NGB: variants seen among roughly 807,000 people sequenced by gnomAD.
NGB encodes the protein neuroglobin.
In NGB, 12 loss-of-function variants were observed where a neutral mutation model predicts 17.3. The observed-to-expected ratio is 0.69, with a 90% CI of 0.45 to 1.13. NGB has a LOEUF of 1.13. Among genes scored for constraint, NGB ranks in the 50% most tolerant of loss-of-function variants. NGB has a pLI of 0.00. For synonymous variants in NGB, 87 were observed against 81.0 expected, an observed-to-expected ratio of 1.07 and a Z score of -0.40; for missense variants, 195 against 191.7, an observed-to-expected ratio of 1.02 and a Z score of -0.10.
At position 77,271,199 on chromosome 14, in the gene NGB, G is replaced by GC; in HGVS notation, c.-263dup. 1 of 392,968 alleles carries GC rather than the reference G, an allele frequency of 2.5e-6. No homozygotes were observed. Among genetic ancestry groups the GC allele is most frequent in the Non-Finnish European group, 4.5e-6 (1 of 220,576 alleles). The allele number at this position is 392,968 out of a possible 1,614,324, so 24.3% of individuals were successfully genotyped here. A position where few individuals can be genotyped will look rare whatever the true frequency, so the allele number is the denominator to read the frequency against. On this transcript the variant is annotated 5_prime_UTR_variant, in exon 1 of 4. Coordinates refer to ENST00000298352, the MANE Select transcript of NGB (RefSeq NM_021257.4). ...CGCCCTGCGCCCCGCAGCCGCCAGA[G>GC]CCGCCCCACCCCGCGACGCCTGGGC... is the stretch of plus-strand genomic sequence containing the variant.
chr14:77,267,510 C>T (rs984269693), intron 3 of NGB, among the ~76,000 whole-genome samples: 1 of 152,222 alleles, frequency 6.6e-6, no homozygotes, highest in South Asian at 2.1e-4. Context: ...CACTGTACTC[C>T]AGCCTAGGCG....
chr14:77,269,784 CCT>C (rs1889738525), intron 1 of NGB, among the ~76,000 whole-genome samples: 1 of 11,148 alleles, frequency 9.0e-5, no homozygotes, highest in Admixed American at 1.2e-3. Flanking sequence ...TCTCTCTCTC[CCT>C]CTCCCTCTCC....
intron 1 of NGB, among the ~76,000 whole-genome samples, chr14:77,269,788 TCC>T (rs1566637538): frequency 4.1e-5 from 2 of 48,630 alleles, no homozygotes; most frequent in African/African-American, 8.8e-5. Context: ...TCTCTCCCTC[TCC>T]CTCTCCCCCC....
In NGB at chr14:77,269,471, TCCC is replaced by T; in HGVS notation, c.90-148_90-146del. 3 of 592,002 alleles carry T rather than the reference TCCC, an allele frequency of 5.1e-6. No individual in the cohort carries two copies. The South Asian group carries it at 5.6e-5, about 11-fold the overall frequency. 36.7% of individuals were successfully genotyped at this position (592,002 alleles called of 1,614,324 possible). On this transcript the variant is annotated intron_variant, in intron 1 of 3. Transcript: ENST00000298352. ...AGCTGACTCTCCCACCTGGCACTGC[TCCC>T]CCGCCAGCTTCGGTAGTGCCCTCCT...
Position 77,270,880 on chromosome 14 carries a change from G to C in NGB, c.58C>G (p.Pro20Ala), listed in dbSNP as rs780819123. Residue 20 changes from proline to alanine, a missense_variant, in exon 1 of 4, where the codon CCG (proline) becomes GCG (alanine). By Grantham distance (27) the Pro-to-Ala change is conservative. Coordinates refer to ENST00000298352, the MANE Select transcript of NGB (RefSeq NM_021257.4). Reference protein sequence around the residue: ...RQSWRAVSRSPLEHGTVLFAR... With the variant: ...RQSWRAVSRSALEHGTVLFAR... The stretch of plus-strand genomic sequence containing the variant: ...AACAGGACGGTGCCGTGCTCCAGCG[G>C]GCTGCGGCTCACTGCCCGCCAGCTC... 1.2e-5 allele frequency: 19 copies of C among 1,586,174 alleles called. No homozygotes were observed. The highest frequency in any genetic ancestry group is 1.5e-5 in the Non-Finnish European group (18 of 1,172,804).
intron 3 of NGB, 42 bp downstream of exon 3, chr14:77,268,424 C>G (rs368885569): frequency 1.9e-6 from 3 of 1,599,832 alleles, no homozygotes; most frequent in Non-Finnish European, 2.5e-6. Flanking sequence ...GAAGTGGCCC[C>G]AGGCCAGGAG....
rs1411257949 is a variant in NGB, at chr14:77,270,948, G to A, written c.-11C>T. On this transcript the variant is annotated 5_prime_UTR_variant, in exon 1 of 4. Coordinates refer to ENST00000298352, the MANE Select transcript of NGB (RefSeq NM_021257.4). ...CTCCGGGCGCTCCATGCTGTCCCGGGGACGCGGAGCGCGGGGCTGGGACCC... is the reference window on the plus strand; with the variant it reads ...CTCCGGGCGCTCCATGCTGTCCCGGAGACGCGGAGCGCGGGGCTGGGACCC... 2 of 1,524,886 alleles carry A rather than the reference G, an allele frequency of 1.3e-6. No individual in the cohort carries two copies. Among genetic ancestry groups the A allele is most frequent in the Non-Finnish European group, 1.8e-6 (2 of 1,141,434 alleles). 94.5% of individuals were successfully genotyped at this position (1,524,886 alleles called of 1,614,324 possible). A position where few individuals can be genotyped will look rare whatever the true frequency, so the allele number is the denominator to read the frequency against.
rs112769576 is a variant in NGB at position 77,265,730 on chromosome 14, C to A, written c.*806G>T. On this transcript the variant is annotated 3_prime_UTR_variant, in exon 4 of 4. Coordinates refer to ENST00000298352, the MANE Select transcript of NGB (RefSeq NM_021257.4). The surrounding 1 kb of genome is among the most constrained non-coding windows in gnomAD (Gnocchi z 4.7). ...GAGGTAAGACTCACTCCTGCAGGAGCGGGTTGGTGATGAAGGGCTGGGGGA... is the reference window on the plus strand; with the variant it reads ...GAGGTAAGACTCACTCCTGCAGGAGAGGGTTGGTGATGAAGGGCTGGGGGA... 6.4e-6 allele frequency: 1 copy of A among 155,402 alleles called. No individual in the cohort carries two copies. The highest frequency in any genetic ancestry group is 6.2e-5 in the Admixed American group (1 of 16,206). 9.6% of individuals were successfully genotyped at this position (155,402 alleles called of 1,614,324 possible).
chr14:77,269,289 G>A lies in NGB; in HGVS notation c.127C>T (p.Gln43Ter). Residue 43 changes from glutamine to a stop codon, truncating the protein, a stop_gained, in exon 2 of 4, where the codon CAG (glutamine) becomes TAG (stop). Transcript: ENST00000298352. LOFTEE classifies it high-confidence loss of function. ...CTGGAGAACTGGCGGCAGTTGTACT[G>A]GAAGAGGGGCAGCAGGTCAGGCTCC... Reference protein sequence around the residue: ...ALEPDLLPLFQYNCRQFSSPE... With the variant: ...ALEPDLLPLF 1.3e-6 allele frequency: 2 copies of A among 1,551,752 alleles called. No homozygotes were observed. The highest frequency in any genetic ancestry group is 1.7e-6 in the Non-Finnish European group (2 of 1,146,922).
intron 1 of NGB, among the ~76,000 whole-genome samples, chr14:77,269,669 T>C (rs1285124830): frequency 1.8e-3 from 1 of 562 alleles, no homozygotes; most frequent in African/African-American, 6.2e-3. Context: ...GAAAGCCCTT[T>C]CTCTCTCTCT....
Position 77,266,620 on chromosome 14 carries a change from G to A in NGB, c.372C>T (p.Ala124=). ...AGGCAGCCCGTGTGGCTGGTGTGAA[G>A]GCAGGGCCCAGACACTTCTCCAGCA... is the stretch of plus-strand genomic sequence containing the variant. The part of the protein sequence containing the change: ...LYMLEKCLGP[A]FTPATRAAWS... Residue 124 remains alanine, a synonymous_variant, in exon 4 of 4, where the codon GCC becomes GCT. Coordinates refer to ENST00000298352, the MANE Select transcript of NGB (RefSeq NM_021257.4). 6.2e-7 allele frequency: 1 copy of A among 1,614,144 alleles called. No individual in the cohort carries two copies. The highest frequency in any genetic ancestry group is 8.5e-7 in the Non-Finnish European group (1 of 1,180,042).
chr14:77,266,015 G>C lies in NGB; in HGVS notation c.*521C>G, dbSNP rs1432656355. ...TGGCAGTTCTGATTCTGCTCCCACT[G>C]CCTGGGATTCCACCAAGAAGGCTAA... On this transcript the variant is annotated 3_prime_UTR_variant, in exon 4 of 4. Coordinates refer to ENST00000298352, the MANE Select transcript of NGB (RefSeq NM_021257.4). 3.3e-6 allele frequency: 1 copy of C among 302,638 alleles called. No individual in the cohort carries two copies. The highest frequency in any genetic ancestry group is 7.7e-5 in the East Asian group (1 of 13,024). The allele number at this position is 302,638 out of a possible 1,614,324, so 18.7% of individuals were successfully genotyped here.
At chr14:77,270,011 G>A (rs1427328053) in intron 1 of NGB, among the ~76,000 whole-genome samples, 2 of 151,864 alleles carry the variant, frequency 1.3e-5, no homozygotes, top group South Asian at 2.1e-4. Context: ...AGTGAGCTGG[G>A]GGGAGTCCGG....
At chr14:77,266,919 C>T (rs535753802) in intron 3 of NGB, among the ~76,000 whole-genome samples, 1 of 152,218 alleles carries the variant, frequency 6.6e-6, no homozygotes, top group African/African-American at 2.4e-5. Flanking sequence ...TTGCAACCAC[C>T]CCATGAGTGG....
At position 77,266,152 on chromosome 14, in the gene NGB, G is replaced by T. The variant is rs529191999; in HGVS notation, c.*384C>A. 5.7e-6 allele frequency: 3 copies of T among 523,062 alleles called. No individual in the cohort carries two copies. Among genetic ancestry groups the T allele is most frequent in the Admixed American group, 3.9e-5 (2 of 51,274 alleles). 32.4% of individuals were successfully genotyped at this position (523,062 alleles called of 1,614,324 possible). On this transcript the variant is annotated 3_prime_UTR_variant, in exon 4 of 4. Coordinates refer to ENST00000298352, the MANE Select transcript of NGB (RefSeq NM_021257.4). Reference sequence around the variant, plus strand: ...CTGGAAGCTCAGCCATCTCACCCCCGCCTTGGCCTGCACTCACCTGAAGAA... The same window carrying T: ...CTGGAAGCTCAGCCATCTCACCCCCTCCTTGGCCTGCACTCACCTGAAGAA...
chr14:77,268,704 C>T, intron 2 of NGB, 119 bp from the exon 3 acceptor site: 1 of 1,398,830 alleles, frequency 7.1e-7, no homozygotes, highest in Non-Finnish European at 9.8e-7. Context: ...CTCAGTTCTC[C>T]AAGATCAGGG....
rs542789758 is a variant in NGB, at chr14:77,268,994, T to C, written c.201+221A>G. Among the ~76,000 whole-genome samples, 5 of 152,260 alleles carry C rather than the reference T, an allele frequency of 3.3e-5. No individual in the cohort carries two copies. The East Asian group carries it at 9.7e-4, about 29-fold the overall frequency. Reference sequence around the variant, plus strand: ...TATGGGAGCCAGAGGACAAAGGCAATGACACAGGCTGGGACCAGCTCTCTG... The same window carrying C: ...TATGGGAGCCAGAGGACAAAGGCAACGACACAGGCTGGGACCAGCTCTCTG... On this transcript the variant is annotated intron_variant, in intron 2 of 3. Transcript: ENST00000298352.
rs1889718797 is a variant in NGB at position 77,269,323 on chromosome 14, C to G, written c.93G>C (p.Leu31=). 3 of 1,549,152 alleles carry G rather than the reference C, an allele frequency of 1.9e-6. No individual in the cohort carries two copies. Among genetic ancestry groups the G allele is most frequent in the African/African-American group, 2.7e-5 (2 of 73,118 alleles). The change falls in exon 2 of 4, where the codon CTG becomes CTC. Residue 31 remains leucine (L), a synonymous_variant. Transcript: ENST00000298352. ...LEHGTVLFAR[L]FALEPDLLPL... is the part of the protein sequence containing the mutation. ...GCAGCAGGTCAGGCTCCAGGGCAAACAGCCTGTGGGAGTGAGGCCCAGGTG... is the reference window on the plus strand; with the variant it reads ...GCAGCAGGTCAGGCTCCAGGGCAAAGAGCCTGTGGGAGTGAGGCCCAGGTG...
In NGB at chr14:77,266,424, G is replaced by T; in HGVS notation, c.*112C>A. ...CCCTGCCCCATCACCTCTCCAGTGT[G>T]GCCAAGGGGACAAGGACCAAGATGC... is the stretch of plus-strand genomic sequence containing the variant. On this transcript the variant is annotated 3_prime_UTR_variant, in exon 4 of 4. Coordinates refer to ENST00000298352, the MANE Select transcript of NGB (RefSeq NM_021257.4). 1 of 1,432,430 alleles carries T rather than the reference G, an allele frequency of 7.0e-7. No individual in the cohort carries two copies. Among genetic ancestry groups the T allele is most frequent in the Non-Finnish European group, 9.7e-7 (1 of 1,027,654 alleles). 88.7% of individuals were successfully genotyped at this position (1,432,430 alleles called of 1,614,324 possible).
Sources: allele counts gnomAD v4.1 joint callset (sites outside exome capture counted in the v4.1 genomes callset), GRCh38; gene constraint gnomAD v4.1.1; non-coding constraint Gnocchi (gnomAD v3.1); transcripts MANE v1.5; gene names NCBI Gene and HGNC (gene_info 2026-07-23, HGNC 2026-07-21).